The following AMDHD1 variants were observed in gnomAD, a reference collection of about 807,000 sequenced individuals.
AMDHD1 encodes the protein probable imidazolonepropionase.
In AMDHD1, 45 loss-of-function variants were observed where a neutral mutation model predicts 44.1. That is an observed-to-expected ratio of 1.02 (90% CI 0.80 to 1.31). AMDHD1 has a LOEUF of 1.31. Among genes scored for constraint, AMDHD1 ranks in the 50% most tolerant of loss-of-function variants. The probability of loss-of-function intolerance (pLI) is 0.00; values close to 1 mark genes in which losing one functional copy is unlikely to be tolerated. For missense variants in AMDHD1, 586 were observed against 552.1 expected (o/e 1.06, Z -0.61); for synonymous variants, 206 against 205.0 (o/e 1.00, Z -0.04).
At chr12:95,954,818 C>G (rs546984018) in intron 2 of AMDHD1, 93 bp from the exon 3 acceptor site, 1 of 1,171,804 alleles carries the variant, frequency 8.5e-7, no homozygotes, top group Non-Finnish European at 1.3e-6. Flanking sequence ...ATCACACTTT[C>G]CCCAGAGCAG....
Position 95,958,811 on chromosome 12 carries a change from T to C in AMDHD1, c.588-1587T>C, listed in dbSNP as rs369161741. Among the ~76,000 whole-genome samples, 52 of 152,224 alleles carry C rather than the reference T, an allele frequency of 3.4e-4. No homozygotes were observed. In the South Asian group the frequency reaches 1.0e-2, roughly 29 times the overall value. On this transcript the variant is annotated intron_variant, in intron 4 of 8. Coordinates refer to ENST00000266736, the MANE Select transcript of AMDHD1 (RefSeq NM_152435.3). ...TGGCACATACCTGTAATCCCAGCAC[T>C]TTGGGGGGCCGAGGCGGGTGGATCA...
chr12:95,966,226 C>A, intron 7 of AMDHD1, 122 bp from the exon 8 acceptor site: 2 of 1,093,308 alleles, frequency 1.8e-6, no homozygotes, highest in Non-Finnish European at 2.6e-6. Context: ...TTTCCCATTG[C>A]AACTGAGCCA....
Position 95,943,413 on chromosome 12 carries a change from C to T in AMDHD1, c.15C>T (p.His5=). MASG[H]SLLLENAQQV... The stretch of plus-strand genomic sequence containing the variant: ...CGCGAGGCGACATGGCAAGCGGCCA[C>T]AGCCTCCTGCTGGAGAACGCGCAGC... Residue 5 remains histidine, a synonymous_variant, in exon 1 of 9, where the codon CAC becomes CAT. Coordinates refer to ENST00000266736, the MANE Select transcript of AMDHD1 (RefSeq NM_152435.3). 1 of 1,500,922 alleles carries T rather than the reference C, an allele frequency of 6.7e-7. No homozygotes were observed. The highest frequency in any genetic ancestry group is 1.2e-5 in the South Asian group (1 of 81,180). The allele number at this position is 1,500,922 out of a possible 1,614,324, so 93.0% of individuals were successfully genotyped here. A position where few individuals can be genotyped will look rare whatever the true frequency, so the allele number is the denominator to read the frequency against.
chr12:95,955,545 A>G (rs1441114546), intron 3 of AMDHD1, among the ~76,000 whole-genome samples: 2 of 152,200 alleles, frequency 1.3e-5, no homozygotes, highest in African/African-American at 4.8e-5. Flanking sequence ...TTCAGCTATC[A>G]TGTACCTGCT....
intron 1 of AMDHD1, among the ~76,000 whole-genome samples, chr12:95,949,710 T>G (rs1211899551): frequency 6.6e-6 from 1 of 152,230 alleles, no homozygotes; most frequent in Non-Finnish European, 1.5e-5. Flanking sequence ...CATATTGTTT[T>G]GTATTCGGGT....
chr12:95,958,443 C>T (rs2080563624), intron 4 of AMDHD1, among the ~76,000 whole-genome samples: 1 of 152,020 alleles, frequency 6.6e-6, no homozygotes, highest in Admixed American at 6.6e-5. Flanking sequence ...AAGTTTTTAG[C>T]ATTTATATTT....
Position 95,965,664 on chromosome 12 carries a change from CAT to C in AMDHD1, c.939-19_939-18del, listed in dbSNP as rs1266615286. On this transcript the variant is annotated intron_variant, in intron 6 of 8. Coordinates refer to ENST00000266736, the MANE Select transcript of AMDHD1 (RefSeq NM_152435.3). ...CAAAAGCTCCCATTCTAGAGACTGA[CAT>C]ATTTTTTTCCTCCCCTTAGACTGAA... The C allele has an allele frequency of 2.6e-6, 4 of 1,554,044 alleles. No homozygotes were observed. The highest frequency in any genetic ancestry group is 2.7e-5 in the African/African-American group (2 of 73,328).
chr12:95,949,140 T>TAAAAAAAAAAACAAAAAA (rs2080514469), intron 1 of AMDHD1, among the ~76,000 whole-genome samples: 1 of 4,460 alleles, frequency 2.2e-4, no homozygotes. Flanking sequence ...AAAAATAAAT[T>TAAAAAAAAAAACAAAAAA]AAAAAAAAAA....
At chr12:95,962,906 G>A (rs1349158729) in intron 6 of AMDHD1, among the ~76,000 whole-genome samples, 1 of 152,142 alleles carries the variant, frequency 6.6e-6, no homozygotes, top group Non-Finnish European at 1.5e-5. Context: ...ATGTTAGTGG[G>A]TACCATAATT....
Position 95,962,415 on chromosome 12 carries a change from A to T in AMDHD1, c.874A>T (p.Ile292Phe). The stretch of plus-strand genomic sequence containing the variant: ...CCTGGAAGAAGTGAGTGATGAAGGC[A>T]TCGTTGCCATGGCAACGGCCAGGTG... ...SHLEEVSDEG[I>F]VAMATARCSA... is the part of the protein sequence containing the mutation. The change falls in exon 6 of 9, where the codon ATC (isoleucine) becomes TTC (phenylalanine). Residue 292 changes from isoleucine (I) to phenylalanine (F), a missense_variant. Physicochemically the swap from Ile to Phe is conservative, Grantham distance 21 (BLOSUM62 0). Transcript: ENST00000266736. 1 of 1,614,024 alleles carries T rather than the reference A, an allele frequency of 6.2e-7. No homozygotes were observed. The highest frequency in any genetic ancestry group is 8.5e-7 in the Non-Finnish European group (1 of 1,179,960).
intron 4 of AMDHD1, among the ~76,000 whole-genome samples, chr12:95,958,032 G>A (rs1000178905): frequency 5.9e-5 from 9 of 152,060 alleles, no homozygotes; most frequent in Admixed American, 4.6e-4. Flanking sequence ...CAGCCTGGGC[G>A]ACAGAGCAAA....
intron 1 of AMDHD1, among the ~76,000 whole-genome samples, chr12:95,949,160 G>GAAAAAAAAAAAA (rs1358481972): frequency 2.0e-5 from 2 of 101,774 alleles, no homozygotes; most frequent in Non-Finnish European, 4.5e-5. Flanking sequence ...AAAAAAAAAA[G>GAAAAAAAAAAAA]AAAAAAAAAA....
rs113326811 is a variant in AMDHD1, at chr12:95,964,953, A to G, written c.939-733A>G. ...CAAAAAAAAAAAAAAAAAAAAAAAG[A>G]GGGCAAAGGGAGAGATGTGAATAGG... On this transcript the variant is annotated intron_variant, in intron 6 of 8. Transcript: ENST00000266736. Among the ~76,000 whole-genome samples the G allele has an allele frequency of 7.2e-3, 1,032 of 142,858 alleles. 18 individuals are homozygous for G. Among genetic ancestry groups the G allele is most frequent in the African/African-American group, 0.026 (996 of 38,646 alleles). 93.7% of individuals were successfully genotyped at this position (142,858 alleles called of 152,430 possible).
At chr12:95,967,614 T>C (rs2080617881) in intron 8 of AMDHD1, 142 bp from the exon 9 acceptor site, 1 of 631,768 alleles carries the variant, frequency 1.6e-6, no homozygotes, top group African/African-American at 1.9e-5. Context: ...TATATACGGT[T>C]TTTTAGAAAG....
At chr12:95,948,318 T>A (rs1327513497) in intron 1 of AMDHD1, among the ~76,000 whole-genome samples, 1 of 61,026 alleles carries the variant, frequency 1.6e-5, no homozygotes, top group Non-Finnish European at 3.0e-5. Flanking sequence ...GGTGGGGGGG[T>A]CAGCCCCCCA....
At chr12:95,956,595 A>C (rs1045688478) in intron 3 of AMDHD1, 90 bp from the exon 4 acceptor site, 2 of 1,529,488 alleles carry the variant, frequency 1.3e-6, no homozygotes, top group African/African-American at 2.7e-5. Flanking sequence ...CTTCTTAATC[A>C]TTATATAATA....
At position 95,968,194 on chromosome 12, in the gene AMDHD1, A is replaced by C. The variant is rs1355327934; in HGVS notation, c.*351A>C. 1.1e-5 allele frequency: 2 copies of C among 177,048 alleles called. No homozygotes were observed. The highest frequency in any genetic ancestry group is 4.8e-5 in the African/African-American group (2 of 41,738). 11.0% of individuals were successfully genotyped at this position (177,048 alleles called of 1,614,324 possible). ...TTTCCATTTTGTGTCTGTATTTCAC[A>C]TCTCAGTTTTTAAACTATATTTAGT... On this transcript the variant is annotated 3_prime_UTR_variant, in exon 9 of 9. Transcript: ENST00000266736.
At chr12:95,950,002 C>A (rs140751781) in intron 1 of AMDHD1, among the ~76,000 whole-genome samples, 35 of 152,326 alleles carry the variant, frequency 2.3e-4, no homozygotes, top group African/African-American at 8.4e-4. Context: ...ACCTCCTGCA[C>A]AGACGGAGAA....
intron 4 of AMDHD1, among the ~76,000 whole-genome samples, chr12:95,959,926 AC>A (rs1169326284): frequency 6.7e-6 from 1 of 150,176 alleles, no homozygotes; most frequent in African/African-American, 2.5e-5. Flanking sequence ...CTCCTGAGTA[AC>A]TGGGATTACA....
Sources: gnomAD v4.1 joint callset for allele counts (sites outside exome capture counted in the v4.1 genomes callset) on GRCh38, gnomAD v4.1.1 for gene constraint, MANE v1.5 for transcripts, NCBI Gene and HGNC (gene_info 2026-07-23, HGNC 2026-07-21) for gene names.